SLC10A1: variants seen among roughly 807,000 people sequenced by gnomAD.
The protein encoded by SLC10A1 is hepatic sodium/bile acid cotransporter.
SLC10A1 carries 36 observed loss-of-function variants against 20.5 expected under a neutral mutation model. The observed-to-expected ratio is 1.75, with a 90% CI of 1.34 to 2.32. The LOEUF (loss-of-function observed/expected upper bound fraction) is 2.32. SLC10A1 is among the 30% of genes most tolerant of loss of function. The probability of loss-of-function intolerance (pLI) is 0.00; values close to 1 mark genes in which losing one functional copy is unlikely to be tolerated. For synonymous variants in SLC10A1, 188 were observed against 163.6 expected (o/e 1.15, Z -1.14); for missense variants, 545 against 439.1 (o/e 1.24, Z -2.16).
intron 2 of SLC10A1, among the ~76,000 whole-genome samples, chr14:69,784,135 C>G (rs926088024): frequency 2.6e-5 from 4 of 152,176 alleles, no homozygotes; most frequent in Admixed American, 2.0e-4. Flanking sequence ...TGGGAGAGGT[C>G]TGGTGAGAAA....
chr14:69,778,635 C>A, intron 3 of SLC10A1, 106 bp from the exon 4 acceptor site: 1 of 955,200 alleles, frequency 1.0e-6, no homozygotes. Flanking sequence ...AATCTAGACC[C>A]TGGACAGGGG....
intron 1 of SLC10A1, among the ~76,000 whole-genome samples, chr14:69,794,452 A>G (rs922633157): frequency 1.3e-5 from 2 of 152,048 alleles, no homozygotes; most frequent in African/African-American, 4.8e-5. Flanking sequence ...TGACCTCTCT[A>G]AGATTCAGTT....
chr14:69,781,263 T>C (rs976733494), intron 2 of SLC10A1, among the ~76,000 whole-genome samples: 5 of 152,252 alleles, frequency 3.3e-5, no homozygotes, highest in Non-Finnish European at 7.3e-5. Context: ...CTACAACCCC[T>C]GTCTCCTGCT....
In SLC10A1 at chr14:69,779,373, A is replaced by G; in HGVS notation, c.568-13T>C. 1 of 1,599,960 alleles carries G rather than the reference A, an allele frequency of 6.3e-7. No homozygotes were observed. Among genetic ancestry groups the G allele is most frequent in the Non-Finnish European group, 8.6e-7 (1 of 1,169,398 alleles). On this transcript the variant is annotated splice_polypyrimidine_tract_variant and intron_variant, in intron 2 of 4. Coordinates refer to ENST00000216540, the MANE Select transcript of SLC10A1 (RefSeq NM_003049.4). Reference sequence around the variant, plus strand: ...TGATCATCCCTCCCTGGGAATGAAGACAAGAAAAGGCAATTAGAAGAGTTG... The same window carrying G: ...TGATCATCCCTCCCTGGGAATGAAGGCAAGAAAAGGCAATTAGAAGAGTTG...
In SLC10A1 at chr14:69,778,339, G is replaced by C. The variant is rs1215062137; in HGVS notation, c.937C>G (p.Pro313Ala). The change falls in exon 4 of 5, where the codon CCC (proline) becomes GCC (alanine). Residue 313 changes from proline (P) to alanine (A), a missense_variant. Physicochemically the swap from Pro to Ala is conservative, Grantham distance 27. Coordinates refer to ENST00000216540, the MANE Select transcript of SLC10A1 (RefSeq NM_003049.4). ...GGATAATTTCAGTACTCACCCTTGGGAGTCTTGAATTTCTCATAGCACCAA... is the reference window on the plus strand; with the variant it reads ...GGATAATTTCAGTACTCACCCTTGGCAGTCTTGAATTTCTCATAGCACCAA... ...IFWCYEKFKTPKDKTKMIYTA... is the reference protein window; with the variant it reads ...IFWCYEKFKTAKDKTKMIYTA... The C allele has an allele frequency of 6.2e-7, 1 of 1,603,192 alleles. No individual in the cohort carries two copies.
intron 4 of SLC10A1, among the ~76,000 whole-genome samples, chr14:69,777,605 TAAAA>T (rs55741012): frequency 0.028 from 2,455 of 88,860 alleles, 85 homozygotes; most frequent in Admixed American, 0.051. Flanking sequence ...TTTTTTTTTT[TAAAA>T]TTGGTGTTAA....
chr14:69,778,286 T>A, intron 4 of SLC10A1, 47 bp downstream of exon 4: 5 of 1,485,904 alleles, frequency 3.4e-6, no homozygotes, highest in Non-Finnish European at 4.5e-6. Flanking sequence ...CAGGCTCAGG[T>A]CTAATATTGG....
chr14:69,783,525 GGAA>G (rs1239293616), intron 2 of SLC10A1, among the ~76,000 whole-genome samples: 1 of 152,148 alleles, frequency 6.6e-6, no homozygotes, highest in Non-Finnish European at 1.5e-5. Context: ...GTGAGAATTG[GGAA>G]GAAGAGTGTT....
rs748759248 is a variant in SLC10A1, at chr14:69,786,308, C to G, written c.357-1G>C. On this transcript the variant is annotated splice_acceptor_variant, in intron 1 of 4. Coordinates refer to ENST00000216540, the MANE Select transcript of SLC10A1 (RefSeq NM_003049.4). LOFTEE classifies it high-confidence loss of function. ...GGTGGAGCAGGTGGTCATCACAATG[C>G]TGGTGGGAGACATGGGAAGAGGGGA... 2 of 1,613,468 alleles carry G rather than the reference C, an allele frequency of 1.2e-6. No homozygotes were observed. Among genetic ancestry groups the G allele is most frequent in the South Asian group, 1.1e-5 (1 of 91,060 alleles).
chr14:69,778,064 A>AC (rs1294861964), intron 4 of SLC10A1, among the ~76,000 whole-genome samples: 1 of 152,162 alleles, frequency 6.6e-6, no homozygotes, highest in East Asian at 1.9e-4. Flanking sequence ...CCCCACTGAG[A>AC]CAAAGCAGCC....
At chr14:69,786,936 C>G (rs924075792) in intron 1 of SLC10A1, among the ~76,000 whole-genome samples, 10 of 152,108 alleles carry the variant, frequency 6.6e-5, no homozygotes, top group Admixed American at 3.3e-4. Context: ...AGTCAAAAAC[C>G]CTACTAGAAA....
At chr14:69,781,774 T>A (rs1399456461) in intron 2 of SLC10A1, among the ~76,000 whole-genome samples, 1 of 152,216 alleles carries the variant, frequency 6.6e-6, no homozygotes, top group Non-Finnish European at 1.5e-5. Flanking sequence ...AACCCTTGCA[T>A]GGGTAAGTTA....
At chr14:69,794,042 A>G (rs778691725) in intron 1 of SLC10A1, among the ~76,000 whole-genome samples, 1 of 152,192 alleles carries the variant, frequency 6.6e-6, no homozygotes, top group South Asian at 2.1e-4. Flanking sequence ...ACAGTTTCCC[A>G]CAAACTCTGG....
At chr14:69,783,427 G>A (rs1175007650) in intron 2 of SLC10A1, among the ~76,000 whole-genome samples, 1 of 152,216 alleles carries the variant, frequency 6.6e-6, no homozygotes, top group African/African-American at 2.4e-5. Flanking sequence ...AGGCTTAGGA[G>A]GTTAAGGAAG....
intron 3 of SLC10A1, 36 bp downstream of exon 3, chr14:69,779,146 G>A (rs201693792): frequency 2.9e-5 from 43 of 1,507,378 alleles, no homozygotes; most frequent in Non-Finnish European, 3.6e-5. Context: ...GGGCAACAGA[G>A]TGAGACCCTT....
Position 69,778,526 on chromosome 14 carries a change from G to A in SLC10A1, c.750C>T (p.Cys250=), listed in dbSNP as rs746619552. 7 of 1,596,214 alleles carry A rather than the reference G, an allele frequency of 4.4e-6. No homozygotes were observed. In the Admixed American group the frequency reaches 1.1e-4, roughly 24 times the overall value. ...CAGTCTCCATGCTGACAGTGCGTCTGCACCTGTGCCGGTGAAGAAAACCCC... is the reference window on the plus strand; with the variant it reads ...CAGTCTCCATGCTGACAGTGCGTCTACACCTGTGCCGGTGAAGAAAACCCC... ...LSALFCLNGR[C]RRTVSMETGC... The change falls in exon 4 of 5, where the codon TGC becomes TGT. Residue 250 remains cysteine (C), a synonymous_variant. Coordinates refer to ENST00000216540, the MANE Select transcript of SLC10A1 (RefSeq NM_003049.4).
At chr14:69,777,589 TTTTTTTTTTTTTTTTTAAAA>T (rs1423941132) in intron 4 of SLC10A1, among the ~76,000 whole-genome samples, 2 of 94,164 alleles carry the variant, frequency 2.1e-5, no homozygotes, top group Non-Finnish European at 4.0e-5. Flanking sequence ...TTTTTTTTTT[TTTTTTTTTTTTTTTTTAAAA>T]TTGGTGTTAA....
At chr14:69,788,782 G>A (rs1281749282) in intron 1 of SLC10A1, among the ~76,000 whole-genome samples, 1 of 152,056 alleles carries the variant, frequency 6.6e-6, no homozygotes, top group African/African-American at 2.4e-5. Flanking sequence ...TCCTGACCTC[G>A]TGATCCACCC....
chr14:69,791,686 C>T (rs1883844240), intron 1 of SLC10A1, among the ~76,000 whole-genome samples: 1 of 152,122 alleles, frequency 6.6e-6, no homozygotes, highest in African/African-American at 2.4e-5. Context: ...GGAACTGGTA[C>T]AAGGGTAGCC....
Sources: allele counts gnomAD v4.1 joint callset (sites outside exome capture counted in the v4.1 genomes callset), GRCh38; gene constraint gnomAD v4.1.1; transcripts MANE v1.5; gene names NCBI Gene and HGNC (gene_info 2026-07-23, HGNC 2026-07-21).